PROKR2: variants seen among roughly 807,000 people sequenced by gnomAD.
PROKR2 encodes G protein-coupled receptor 73-like 1.
In PROKR2, 26 loss-of-function variants were observed where a neutral mutation model predicts 23.4. The ratio of observed to expected loss-of-function variants is 1.11; its 90% CI spans 0.81 to 1.54. PROKR2 has a LOEUF of 1.54. PROKR2 is among the 40% of genes most tolerant of loss of function. The pLI, the probability that PROKR2 is intolerant of heterozygous loss-of-function variation, is 0.00. For synonymous variants in PROKR2, 212 were observed against 201.2 expected, an observed-to-expected ratio of 1.05 and a Z score of -0.45; for missense variants, 453 against 511.5, an observed-to-expected ratio of 0.89 and a Z score of 1.10.
At position 5,314,023 on chromosome 20, in the gene PROKR2, A is replaced by C; in HGVS notation, c.347T>G (p.Val116Gly). 6.2e-7 allele frequency: 1 copy of C among 1,614,214 alleles called. No individual in the cohort carries two copies. The highest frequency in any genetic ancestry group is 8.5e-7 in the Non-Finnish European group (1 of 1,180,016). ...CCPFEMDYYVVRQLSWEHGHV... is the reference protein window; with the variant it reads ...CCPFEMDYYVGRQLSWEHGHV... ...GCCATGCTCCCAGGAGAGCTGCCGT[A>C]CCACGTAGTAGTCCATCTCGAAGGG... is the stretch of plus-strand genomic sequence containing the variant. Residue 116 changes from valine to glycine, a missense_variant, in exon 2 of 3, where the codon GTA (valine) becomes GGA (glycine). Physicochemically the swap from Val to Gly is moderately radical, Grantham distance 109 (BLOSUM62 -3). Transcript: ENST00000678254.
At position 5,314,015 on chromosome 20, in the gene PROKR2, G is replaced by A; in HGVS notation, c.355C>T (p.Leu119Phe). The change falls in exon 2 of 3, where the codon CTC becomes TTC. Residue 119 changes from leucine to phenylalanine, a missense_variant. Physicochemically the swap from Leu to Phe is conservative, Grantham distance 22. Coordinates refer to ENST00000678254, the MANE Select transcript of PROKR2 (RefSeq NM_144773.4). ...AGCACGTGGCCATGCTCCCAGGAGAGCTGCCGTACCACGTAGTAGTCCATC... is the reference window on the plus strand; with the variant it reads ...AGCACGTGGCCATGCTCCCAGGAGAACTGCCGTACCACGTAGTAGTCCATC... ...FEMDYYVVRQLSWEHGHVLCA... is the reference protein window; with the variant it reads ...FEMDYYVVRQFSWEHGHVLCA... 2 of 1,614,238 alleles carry A rather than the reference G, an allele frequency of 1.2e-6. No homozygotes were observed. Among genetic ancestry groups the A allele is most frequent in the African/African-American group, 2.7e-5 (2 of 75,056 alleles).
At chr20:5,306,328 C>A (rs1026076699) in intron 2 of PROKR2, among the ~76,000 whole-genome samples, 1 of 152,170 alleles carries the variant, frequency 6.6e-6, no homozygotes, top group African/African-American at 2.4e-5. Context: ...TAAGAGCCAT[C>A]AATTCAGTTA....
chr20:5,311,042 G>T (rs1359148810), intron 2 of PROKR2, among the ~76,000 whole-genome samples: 1 of 152,194 alleles, frequency 6.6e-6, no homozygotes, highest in African/African-American at 2.4e-5. Context: ...GTAAGCACTT[G>T]AATTTCTAGA....
At chr20:5,309,569 T>C (rs1242817529) in intron 2 of PROKR2, among the ~76,000 whole-genome samples, 2 of 152,232 alleles carry the variant, frequency 1.3e-5, no homozygotes, top group East Asian at 3.8e-4. Flanking sequence ...TCCAGTATAA[T>C]TTCTATATTT....
rs191226819 is a variant in PROKR2, at chr20:5,315,716, C to A, written c.-9+778G>T. ...GCCAGCTGCTTTCCCAAGGTGAAAA[C>A]CTCCAAGAGGCGAGATGCAAATCCC... On this transcript the variant is annotated intron_variant, in intron 1 of 2. Coordinates refer to ENST00000678254, the MANE Select transcript of PROKR2 (RefSeq NM_144773.4). 5.1e-3 allele frequency: 1,949 copies of A among 379,140 alleles called. 37 individuals carry two copies. The highest frequency in any genetic ancestry group is 0.031 in the East Asian group (416 of 13,524). 23.5% of individuals were successfully genotyped at this position (379,140 alleles called of 1,614,324 possible).
At chr20:5,305,933 T>C (rs892242961) in intron 2 of PROKR2, among the ~76,000 whole-genome samples, 19 of 152,170 alleles carry the variant, frequency 1.2e-4, no homozygotes, top group African/African-American at 4.3e-4. Context: ...TACAACAAGT[T>C]CTAATTCCAG....
rs911757552 is a variant in PROKR2 at position 5,316,424 on chromosome 20, A to G, written c.-9+70T>C. 3 of 455,648 alleles carry G rather than the reference A, an allele frequency of 6.6e-6. No homozygotes were observed. Among genetic ancestry groups the G allele is most frequent in the African/African-American group, 6.0e-5 (3 of 50,072 alleles). 28.2% of individuals were successfully genotyped at this position (455,648 alleles called of 1,614,324 possible). On this transcript the variant is annotated intron_variant, in intron 1 of 2. Coordinates refer to ENST00000678254, the MANE Select transcript of PROKR2 (RefSeq NM_144773.4). This position sits in a 1 kb window ranked among gnomAD's most constrained non-coding sequence, Gnocchi z 5.0. ...TGCCCGAGAAAAAAGTGGGCGTCAG[A>G]GGCCCTTGTCCTAGCGACTCCCCCA...
At chr20:5,303,760 G>A (rs1227764889) in intron 2 of PROKR2, among the ~76,000 whole-genome samples, 1 of 152,140 alleles carries the variant, frequency 6.6e-6, no homozygotes, top group Non-Finnish European at 1.5e-5. Context: ...GAAGGACAGG[G>A]AGGAAACAAA....
rs1234624379 is a variant in PROKR2 at position 5,316,033 on chromosome 20, A to C, written c.-9+461T>G. The C allele has an allele frequency of 4.4e-6, 2 of 456,592 alleles. No individual in the cohort carries two copies. The highest frequency in any genetic ancestry group is 8.8e-6 in the Non-Finnish European group (2 of 226,974). The allele number at this position is 456,592 out of a possible 1,614,324, so 28.3% of individuals were successfully genotyped here. On this transcript the variant is annotated intron_variant, in intron 1 of 2. Transcript: ENST00000678254. This position sits in a 1 kb window ranked among gnomAD's most constrained non-coding sequence, Gnocchi z 5.0. ...CGGCGTCTAGAGGCGACATCCTGGC[A>C]AAGACAGGAATCAAGTCAGAAATTC...
At chr20:5,304,298 G>A (rs530665743) in intron 2 of PROKR2, among the ~76,000 whole-genome samples, 3 of 152,244 alleles carry the variant, frequency 2.0e-5, no homozygotes, top group African/African-American at 7.2e-5. Flanking sequence ...CTACATTTGA[G>A]CCTTTTCCTT....
At chr20:5,311,720 C>T (rs966127969) in intron 2 of PROKR2, among the ~76,000 whole-genome samples, 2 of 152,208 alleles carry the variant, frequency 1.3e-5, no homozygotes, top group African/African-American at 2.4e-5. Context: ...CAGCCGCCAG[C>T]TTGGCTAGAA....
intron 2 of PROKR2, among the ~76,000 whole-genome samples, chr20:5,305,664 C>T (rs1716535218): frequency 1.4e-5 from 2 of 146,732 alleles, no homozygotes; most frequent in African/African-American, 2.6e-5. Context: ...AAACGTCCTA[C>T]CTGTGAAATA....
intron 1 of PROKR2, chr20:5,315,850 C>T (rs1187056968): frequency 2.2e-6 from 1 of 456,596 alleles, no homozygotes; most frequent in East Asian, 7.0e-5. Context: ...ATGGGGAGTC[C>T]TACCCCTCCT....
At chr20:5,308,556 T>TA (rs1178985570) in intron 2 of PROKR2, among the ~76,000 whole-genome samples, 1 of 152,242 alleles carries the variant, frequency 6.6e-6, no homozygotes, top group Non-Finnish European at 1.5e-5. Flanking sequence ...GGCTTGTTGT[T>TA]AATAAATACA....
At position 5,314,168 on chromosome 20, in the gene PROKR2, C is replaced by T. The variant is rs750150306; in HGVS notation, c.202G>A (p.Gly68Ser). The change falls in exon 2 of 3, where the codon GGC becomes AGC. Residue 68 changes from glycine (G) to serine (S), a missense_variant. Gly to Ser is a moderately conservative substitution (Grantham distance 56). Coordinates refer to ENST00000678254, the MANE Select transcript of PROKR2 (RefSeq NM_144773.4). ...IALAGIMLVC[G>S]IGNFVFIAAL... ...GCGATAAAGACAAAGTTACCGATGC[C>T]GCAGACCAGCATGATGCCTGCCAGT... is the stretch of plus-strand genomic sequence containing the variant. 34 of 1,614,056 alleles carry T rather than the reference C, an allele frequency of 2.1e-5. No individual in the cohort carries two copies. Among genetic ancestry groups the T allele is most frequent in the Non-Finnish European group, 2.5e-5 (30 of 1,180,028 alleles).
At position 5,316,377 on chromosome 20, in the gene PROKR2, G is replaced by C. The variant is rs1568574256; in HGVS notation, c.-9+117C>G. On this transcript the variant is annotated intron_variant, in intron 1 of 2. Transcript: ENST00000678254. This position sits in a 1 kb window ranked among gnomAD's most constrained non-coding sequence, Gnocchi z 5.0. ...AGCCCCGACGCATATCTCGAGAGTG[G>C]CGGGAGGCAAAGCAGCCGGAATGCC... 1 of 456,662 alleles carries C rather than the reference G, an allele frequency of 2.2e-6. No homozygotes were observed. The highest frequency in any genetic ancestry group is 2.0e-5 in the African/African-American group (1 of 50,206). 28.3% of individuals were successfully genotyped at this position (456,662 alleles called of 1,614,324 possible). A position where few individuals can be genotyped will look rare whatever the true frequency, so the allele number is the denominator to read the frequency against.
At chr20:5,313,826 TG>T in intron 2 of PROKR2, 85 bp downstream of exon 2, 1 of 1,144,652 alleles carries the variant, frequency 8.7e-7, no homozygotes, top group Non-Finnish European at 1.3e-6. Context: ...CATTCCTATC[TG>T]GAGCAATGTC....
At chr20:5,311,853 C>G (rs780752623) in intron 2 of PROKR2, among the ~76,000 whole-genome samples, 1 of 152,216 alleles carries the variant, frequency 6.6e-6, no homozygotes, top group Non-Finnish European at 1.5e-5. Context: ...TTTTGGAACT[C>G]GGACTGGCTC....
intron 2 of PROKR2, among the ~76,000 whole-genome samples, chr20:5,305,632 T>C (rs1410741291): frequency 6.6e-6 from 1 of 152,126 alleles, no homozygotes; most frequent in Non-Finnish European, 1.5e-5. Context: ...AAGCAGCTTA[T>C]TGGGTAAATC....
Sources: allele counts gnomAD v4.1 joint callset (sites outside exome capture counted in the v4.1 genomes callset), GRCh38; gene constraint gnomAD v4.1.1; non-coding constraint Gnocchi (gnomAD v3.1); transcripts MANE v1.5; gene names NCBI Gene and HGNC (gene_info 2026-07-23, HGNC 2026-07-21).